Variants in EIF4ENIF1 observed in about 807,000 individuals in gnomAD.
EIF4ENIF1 encodes the protein eukaryotic translation initiation factor 4E transporter.
Under a neutral mutation model 110.5 loss-of-function variants are expected in EIF4ENIF1, and 23 were observed. That is an observed-to-expected ratio of 0.21 (90% CI 0.15 to 0.29). The LOEUF (loss-of-function observed/expected upper bound fraction) is 0.29, where lower values mean the gene tolerates loss of function less well. Among genes scored for constraint, EIF4ENIF1 ranks in the 10% least tolerant of loss-of-function variants. The pLI, the probability that EIF4ENIF1 is intolerant of heterozygous loss-of-function variation, is 1.00. For missense variants in EIF4ENIF1, 1,031 were observed against 1,221.1 expected (o/e 0.84, Z 2.32); for synonymous variants, 440 against 437.0 (o/e 1.01, Z -0.09).
intron 8 of EIF4ENIF1, 39 bp from the exon 9 acceptor site, chr22:31,455,354 C>T: frequency 7.0e-7 from 1 of 1,425,442 alleles, no homozygotes; most frequent in Non-Finnish European, 9.3e-7. Flanking sequence ...TTAATCTGTT[C>T]CAGTAAAGAA....
rs534852060 is a variant in EIF4ENIF1, at chr22:31,444,707, TATC to T, written c.1989-20_1989-18del. The T allele has an allele frequency of 7.9e-4, 1,280 of 1,612,998 alleles. 11 individuals carry two copies. The African/African-American group carries it at 0.016, about 20-fold the overall frequency. On this transcript the variant is annotated intron_variant, in intron 14 of 18. Coordinates refer to ENST00000330125, the MANE Select transcript of EIF4ENIF1 (RefSeq NM_019843.4). ...CGCTGTTGCCTGTGAACAAACCAAT[TATC>T]AGCATGAACCCCAATCTGCTTAACT...
rs375277953 is a variant in EIF4ENIF1, at chr22:31,443,077, G to A, written c.2091C>T (p.Thr697=). The A allele has an allele frequency of 5.0e-6, 8 of 1,613,916 alleles. No individual in the cohort carries two copies. The highest frequency in any genetic ancestry group is 1.3e-5 in the African/African-American group (1 of 74,878). The change falls in exon 16 of 19, where the codon ACC becomes ACT. Residue 697 remains threonine (T), a synonymous_variant. Coordinates refer to ENST00000330125, the MANE Select transcript of EIF4ENIF1 (RefSeq NM_019843.4). ...SITSMLSPSF[T]PTSVIRKMYE... is the part of the protein sequence containing the mutation. Reference sequence around the variant, plus strand: ...ACATCTTACGAATCACTGAGGTAGGGGTAAAGGAAGGAGAAAGCTGCAGAG... The same window carrying A: ...ACATCTTACGAATCACTGAGGTAGGAGTAAAGGAAGGAGAAAGCTGCAGAG...
chr22:31,443,143 C>T, intron 15 of EIF4ENIF1, 49 bp from the exon 16 acceptor site: 1 of 1,600,460 alleles, frequency 6.2e-7, no homozygotes, highest in Non-Finnish European at 8.5e-7. Flanking sequence ...GTGCCGTTCT[C>T]TAATACTAAG....
intron 2 of EIF4ENIF1, among the ~76,000 whole-genome samples, chr22:31,476,949 G>T (rs1242880256): frequency 7.0e-6 from 1 of 142,618 alleles, no homozygotes; most frequent in Non-Finnish European, 1.5e-5. Flanking sequence ...AGTGAGCCAA[G>T]ACTGCACCCT....
chr22:31,463,455 G>A lies in EIF4ENIF1; in HGVS notation c.585+226C>T, dbSNP rs762924725. On this transcript the variant is annotated intron_variant, in intron 5 of 18. Transcript: ENST00000330125. ...GCACTTTGGGAGGCCGAGGCAGGCCGATCACCTAAGGTTGGGAGCTTGAGA... is the reference window on the plus strand; with the variant it reads ...GCACTTTGGGAGGCCGAGGCAGGCCAATCACCTAAGGTTGGGAGCTTGAGA... Among the ~76,000 whole-genome samples, 4 of 152,020 alleles carry A rather than the reference G, an allele frequency of 2.6e-5. No homozygotes were observed. In the East Asian group the frequency reaches 5.8e-4, roughly 22 times the overall value.
intron 10 of EIF4ENIF1, among the ~76,000 whole-genome samples, chr22:31,451,888 T>C (rs906900565): frequency 3.3e-5 from 5 of 152,174 alleles, no homozygotes; most frequent in Admixed American, 1.3e-4. Flanking sequence ...TTCTCTGGTG[T>C]AGTTTCCCTT....
Position 31,463,723 on chromosome 22 carries a change from T to C in EIF4ENIF1, c.543A>G (p.Arg181=), listed in dbSNP as rs1018395934. ...RLSDKDLRDL[R]DRDRERDFKD... is the part of the protein sequence containing the mutation. ...TGAAGTCCCTCTCTCGGTCTCTGTC[T>C]CTCAAGTCCCGCAGGTCCTTATCGC... The change falls in exon 5 of 19, where the codon AGA becomes AGG. Residue 181 remains arginine, a synonymous_variant. Coordinates refer to ENST00000330125, the MANE Select transcript of EIF4ENIF1 (RefSeq NM_019843.4). 1 of 1,611,542 alleles carries C rather than the reference T, an allele frequency of 6.2e-7. No individual in the cohort carries two copies. The highest frequency in any genetic ancestry group is 1.3e-5 in the African/African-American group (1 of 74,284).
intron 2 of EIF4ENIF1, among the ~76,000 whole-genome samples, chr22:31,479,666 A>G (rs993213428): frequency 4.8e-5 from 7 of 146,076 alleles, no homozygotes; most frequent in Non-Finnish European, 1.5e-5. Context: ...AAAGGATGTG[A>G]TATTACCCTT....
At chr22:31,464,504 C>T (rs2051104851) in intron 4 of EIF4ENIF1, among the ~76,000 whole-genome samples, 1 of 150,248 alleles carries the variant, frequency 6.7e-6, no homozygotes. Context: ...ATGGTGAAAC[C>T]CCGTCTCTAC....
chr22:31,447,397 T>C, intron 14 of EIF4ENIF1, 29 bp downstream of exon 14: 1 of 1,604,958 alleles, frequency 6.2e-7, no homozygotes, highest in Non-Finnish European at 8.5e-7. Context: ...TATCCGTAAA[T>C]CTCCACATGA....
At chr22:31,446,568 C>T (rs7285619) in intron 14 of EIF4ENIF1, among the ~76,000 whole-genome samples, 34,433 of 151,802 alleles carry the variant, frequency 0.23, 5,033 homozygotes, top group East Asian at 0.46. Context: ...CATTAAGTAC[C>T]GAGTATTTTA....
chr22:31,490,390 T>C (rs1247082600), upstream of EIF4ENIF1, among the ~76,000 whole-genome samples: 1 of 152,250 alleles, frequency 6.6e-6, no homozygotes, highest in Non-Finnish European at 1.5e-5. Context: ...GCGAGTGGCG[T>C]GATCTTAGGC....
chr22:31,474,073 T>G (rs2051485488), intron 2 of EIF4ENIF1, among the ~76,000 whole-genome samples: 1 of 152,064 alleles, frequency 6.6e-6, no homozygotes, highest in Non-Finnish European at 1.5e-5. Context: ...TCTTTTTTTT[T>G]TTTTGAGACA....
At chr22:31,438,657 T>C (rs78048764), downstream of EIF4ENIF1, among the ~76,000 whole-genome samples, 213 of 152,278 alleles carry the variant, frequency 1.4e-3, 3 homozygotes, top group East Asian at 0.034. Flanking sequence ...AACTGACCTG[T>C]TGGGGTCTTT....
Position 31,450,279 on chromosome 22 carries a change from T to A in EIF4ENIF1, c.1584+10A>T, listed in dbSNP as rs755330621. On this transcript the variant is annotated intron_variant, in intron 11 of 18. Transcript: ENST00000330125. ...AGACTCCAAGGCCTCAGTATAAGATTGTGAAGTACCTGCAGGATGTTCTTA... is the reference window on the plus strand; with the variant it reads ...AGACTCCAAGGCCTCAGTATAAGATAGTGAAGTACCTGCAGGATGTTCTTA... 2.5e-6 allele frequency: 4 copies of A among 1,612,150 alleles called. No individual in the cohort carries two copies. In the Admixed American group the frequency reaches 6.7e-5, roughly 27 times the overall value.
In EIF4ENIF1 at chr22:31,447,482, G is replaced by A; in HGVS notation, c.1932C>T (p.Tyr644=). 1 of 1,613,164 alleles carries A rather than the reference G, an allele frequency of 6.2e-7. No individual in the cohort carries two copies. The highest frequency in any genetic ancestry group is 1.1e-5 in the South Asian group (1 of 90,976). The change falls in exon 14 of 19, where the codon TAC becomes TAT. Residue 644 remains tyrosine (Y), a synonymous_variant. Transcript: ENST00000330125. ...HDLAVQAANF[Y]QPGFGKPQVD... The stretch of plus-strand genomic sequence containing the variant: ...CCTGTGGTTTGCCAAAACCAGGCTG[G>A]TAGAAGTTTGCTGCCTGTACAGCAA...
chr22:31,484,114 C>T (rs1226667249), intron 2 of EIF4ENIF1, among the ~76,000 whole-genome samples: 1 of 152,164 alleles, frequency 6.6e-6, no homozygotes, highest in African/African-American at 2.4e-5. Context: ...AGCCTTGATA[C>T]TTAAAGTATA....
chr22:31,452,405 G>A (rs2050701261), intron 10 of EIF4ENIF1, among the ~76,000 whole-genome samples: 1 of 152,096 alleles, frequency 6.6e-6, no homozygotes, highest in Non-Finnish European at 1.5e-5. Flanking sequence ...CATCCGTTTG[G>A]CAGGTGTTTG....
chr22:31,489,214 C>A (rs2052163680), intron 1 of EIF4ENIF1: 1 of 154,130 alleles, frequency 6.5e-6, no homozygotes, highest in Admixed American at 6.4e-5. Flanking sequence ...CCCGAGCGCC[C>A]CTCGCCAGGC....
Sources: allele counts gnomAD v4.1 joint callset (sites outside exome capture counted in the v4.1 genomes callset), GRCh38; gene constraint gnomAD v4.1.1; transcripts MANE v1.5; gene names NCBI Gene and HGNC (gene_info 2026-07-23, HGNC 2026-07-21).